The following MIER2 variants were observed in gnomAD, a reference collection of about 807,000 sequenced individuals.
MIER2 encodes the protein mesoderm induction early response protein 2.
Under a neutral mutation model 67.6 loss-of-function variants are expected in MIER2, and 30 were observed. The ratio of observed to expected loss-of-function variants is 0.44; its 90% CI spans 0.33 to 0.60. The LOEUF (loss-of-function observed/expected upper bound fraction) is 0.60, where lower values mean the gene tolerates loss of function less well. Ranked by LOEUF, MIER2 falls within the 20% of genes least tolerant of loss-of-function variation. MIER2 has a pLI of 0.02. For missense variants in MIER2, 702 were observed against 745.1 expected (o/e 0.94, Z 0.67); for synonymous variants, 372 against 312.6 (o/e 1.19, Z -2.00).
chr19:319,857 G>A lies in MIER2; in HGVS notation c.655+5778C>T, dbSNP rs565556796. Among the ~76,000 whole-genome samples, 23 of 152,082 alleles carry A rather than the reference G, an allele frequency of 1.5e-4. No homozygotes were observed. The South Asian group carries it at 2.5e-3, about 16-fold the overall frequency. On this transcript the variant is annotated intron_variant, in intron 7 of 13. Coordinates refer to ENST00000264819, the MANE Select transcript of MIER2 (RefSeq NM_017550.3). The stretch of plus-strand genomic sequence containing the variant: ...TAACTCTGGTACCAAAACCAGACAC[G>A]GACAAATAAAAATAAAAGGACAGGC...
At chr19:319,102 C>T (rs769023073) in intron 7 of MIER2, among the ~76,000 whole-genome samples, 2 of 151,388 alleles carry the variant, frequency 1.3e-5, no homozygotes, top group Non-Finnish European at 2.9e-5. Flanking sequence ...TGGTTCATGC[C>T]TGTAATCCCA....
intron 7 of MIER2, among the ~76,000 whole-genome samples, chr19:319,151 C>A (rs1012142860): frequency 4.0e-5 from 6 of 151,452 alleles, no homozygotes; most frequent in Admixed American, 1.3e-4. Context: ...CACCTGAGGT[C>A]AGGAGTTTGA....
At chr19:311,817 C>T (rs763077202) in intron 10 of MIER2, 28 bp downstream of exon 10, 35 of 1,610,694 alleles carry the variant, frequency 2.2e-5, no homozygotes, top group African/African-American at 1.9e-4. Context: ...GAGAAGCCCC[C>T]GGTGGAGCCT....
chr19:313,364 TGGC>T, intron 8 of MIER2, 125 bp downstream of exon 8: 1 of 1,431,710 alleles, frequency 7.0e-7, no homozygotes, highest in Admixed American at 2.2e-5. Flanking sequence ...TCCAGTGCCC[TGGC>T]CCCCACACAC....
chr19:324,434 C>G (rs1259627756), intron 7 of MIER2, among the ~76,000 whole-genome samples: 1 of 141,418 alleles, frequency 7.1e-6, no homozygotes, highest in East Asian at 2.0e-4. Flanking sequence ...CACACAACCA[C>G]GCAGACGACT....
intron 1 of MIER2, among the ~76,000 whole-genome samples, chr19:343,070 G>A (rs1009633090): frequency 7.2e-5 from 11 of 152,302 alleles, no homozygotes; most frequent in East Asian, 5.8e-4. Flanking sequence ...TCCTCAGGCC[G>A]AGGACAGAGC....
chr19:336,598 C>G (rs1014481022), intron 1 of MIER2, among the ~76,000 whole-genome samples: 1 of 152,076 alleles, frequency 6.6e-6, no homozygotes, highest in East Asian at 1.9e-4. Flanking sequence ...AATGGGGGCT[C>G]GTGGGGGCCA....
intron 12 of MIER2, among the ~76,000 whole-genome samples, 157 bp from the exon 13 acceptor site, chr19:307,693 CG>C (rs1568213474): frequency 6.6e-6 from 1 of 152,200 alleles, no homozygotes; most frequent in Non-Finnish European, 1.5e-5. Context: ...CTGAAATCCG[CG>C]AGCCCCAGGT....
chr19:307,813 CG>C (rs553369406), intron 12 of MIER2, among the ~76,000 whole-genome samples: 125 of 150,918 alleles, frequency 8.3e-4, no homozygotes, highest in Non-Finnish European at 1.3e-3. Context: ...TAAACAATGC[CG>C]GGGGCACTGC....
intron 10 of MIER2, among the ~76,000 whole-genome samples, chr19:310,331 C>T (rs1217280965): frequency 6.6e-6 from 1 of 152,234 alleles, no homozygotes; most frequent in Non-Finnish European, 1.5e-5. Flanking sequence ...GGGGCGAGAC[C>T]GAGACAACCT....
chr19:342,647 C>T (rs989447368), intron 1 of MIER2, among the ~76,000 whole-genome samples: 1 of 150,172 alleles, frequency 6.7e-6, no homozygotes, highest in Non-Finnish European at 1.5e-5. Context: ...TCCCGTCTGC[C>T]ACTGTGGTGC....
chr19:318,198 A>G (rs926797320), intron 7 of MIER2, among the ~76,000 whole-genome samples: 1 of 152,198 alleles, frequency 6.6e-6, no homozygotes, highest in African/African-American at 2.4e-5. Flanking sequence ...AAAAAACAAG[A>G]TCTAAACATG....
chr19:335,585 T>C (rs529762322), intron 2 of MIER2, among the ~76,000 whole-genome samples: 21 of 152,086 alleles, frequency 1.4e-4, no homozygotes, highest in Non-Finnish European at 2.8e-4. Context: ...AGAACAGTCA[T>C]AGAGACCCTT....
chr19:341,012 C>G (rs1972476515), intron 1 of MIER2, among the ~76,000 whole-genome samples: 1 of 152,200 alleles, frequency 6.6e-6, no homozygotes, highest in Admixed American at 6.5e-5. Flanking sequence ...ATGGCCTCAC[C>G]TCTTTCCAGG....
In MIER2 at chr19:307,324, C is replaced by A. The variant is rs779911405; in HGVS notation, c.1411G>T (p.Ala471Ser). 1.2e-6 allele frequency: 2 copies of A among 1,601,800 alleles called. No homozygotes were observed. Among genetic ancestry groups the A allele is most frequent in the Admixed American group, 1.7e-5 (1 of 57,820 alleles). The change falls in exon 13 of 14, where the codon GCC becomes TCC. Residue 471 changes from alanine (A) to serine (S), a missense_variant. Around this residue, in one of 3 missense-constraint regions of MIER2, gnomAD observed 254 missense variants for 262.8 expected, o/e 0.97. Transcript: ENST00000264819. The stretch of plus-strand genomic sequence containing the variant: ...TCCTTGGGCAGGGCGAAGTCCACGG[C>A]CAGCCTTGGGCTGGCGTCTGGCTCC... ...APEPDASPRL[A>S]VDFALPKELP...
intron 7 of MIER2, among the ~76,000 whole-genome samples, chr19:324,212 A>G (rs971770441): frequency 9.1e-5 from 13 of 143,166 alleles, no homozygotes; most frequent in Non-Finnish European, 1.5e-4. Flanking sequence ...CTCGAATGAC[A>G]CAGACGTCAT....
Position 306,478 on chromosome 19 carries a change from G to A in MIER2, c.*212C>T. ...CGGGTGGCAGTGCCGGGCGCTGACG[G>A]CGCTGGGTGGGGCCGTGGGTCCATT... On this transcript the variant is annotated 3_prime_UTR_variant, in exon 14 of 14. Coordinates refer to ENST00000264819, the MANE Select transcript of MIER2 (RefSeq NM_017550.3). 4.4e-6 allele frequency: 3 copies of A among 678,490 alleles called. No individual in the cohort carries two copies. The highest frequency in any genetic ancestry group is 7.4e-6 in the Non-Finnish European group (3 of 407,222). The allele number at this position is 678,490 out of a possible 1,614,324, so 42.0% of individuals were successfully genotyped here.
chr19:317,874 GTC>G (rs1971327218), intron 7 of MIER2, among the ~76,000 whole-genome samples: 1 of 152,044 alleles, frequency 6.6e-6, no homozygotes, highest in African/African-American at 2.4e-5. Flanking sequence ...GGACTAAAAA[GTC>G]TATTAAAAGA....
intron 4 of MIER2, 138 bp downstream of exon 4, chr19:327,726 G>A (rs1971824798): frequency 1.5e-6 from 2 of 1,364,838 alleles, no homozygotes; most frequent in South Asian, 1.5e-5. Flanking sequence ...CAACCCCAGG[G>A]TAGTGGTCAC....
Sources: allele counts gnomAD v4.1 joint callset (sites outside exome capture counted in the v4.1 genomes callset), GRCh38; gene constraint gnomAD v4.1.1; regional missense constraint gnomAD v4.1.1; transcripts MANE v1.5; gene names NCBI Gene and HGNC (gene_info 2026-07-23, HGNC 2026-07-21).